Variants in RAP1B observed in about 807,000 individuals in gnomAD.
RAP1B encodes the protein RAP1B, member of RAS oncogene family.
Under a neutral mutation model 27.5 loss-of-function variants are expected in RAP1B, and 1 was observed. The ratio of observed to expected loss-of-function variants is 0.04; its 90% CI spans 0.01 to 0.17. The LOEUF (loss-of-function observed/expected upper bound fraction) is 0.17. RAP1B is among the 10% of genes least tolerant of loss of function. The pLI is 1.00. For synonymous variants in RAP1B, 75 were observed against 73.1 expected, an observed-to-expected ratio of 1.03 and a Z score of -0.13; for missense variants, 84 against 214.8, an observed-to-expected ratio of 0.39 and a Z score of 3.81.
chr12:68,622,308 C>T (rs1309514690), intron 1 of RAP1B, among the ~76,000 whole-genome samples: 2 of 152,146 alleles, frequency 1.3e-5, no homozygotes, highest in African/African-American at 2.4e-5. Context: ...TTTGTCCTTC[C>T]CCACATTATT....
chr12:68,663,969 A>G lies in RAP1B; in HGVS notation c.*4720A>G, dbSNP rs556388206. Reference sequence around the variant, plus strand: ...GTGAGCTGTCATTTTTCATATATATAAATTTTTTTATTCATAGGTAATCTA... The same window carrying G: ...GTGAGCTGTCATTTTTCATATATATGAATTTTTTTATTCATAGGTAATCTA... On this transcript the variant is annotated 3_prime_UTR_variant, in exon 8 of 8. Coordinates refer to ENST00000250559, the MANE Select transcript of RAP1B (RefSeq NM_001010942.3). 2.7e-4 allele frequency: 41 copies of G among 152,260 alleles called. No homozygotes were observed. Among genetic ancestry groups the G allele is most frequent in the African/African-American group, 9.6e-4 (40 of 41,568 alleles). The allele number at this position is 152,260 out of a possible 1,614,324, so 9.4% of individuals were successfully genotyped here.
intron 1 of RAP1B, among the ~76,000 whole-genome samples, chr12:68,640,747 G>A (rs1281631309): frequency 6.6e-6 from 1 of 152,064 alleles, no homozygotes; most frequent in African/African-American, 2.4e-5. Context: ...ATCTTAGGAA[G>A]AATGTTATAG....
chr12:68,623,258 A>G (rs975998116), intron 1 of RAP1B, among the ~76,000 whole-genome samples: 4 of 152,228 alleles, frequency 2.6e-5, no homozygotes, highest in South Asian at 2.1e-4. Flanking sequence ...TGCTTATTAG[A>G]GTCAAAGGAA....
At chr12:68,643,294 A>G (rs919996221) in intron 1 of RAP1B, among the ~76,000 whole-genome samples, 2 of 152,202 alleles carry the variant, frequency 1.3e-5, no homozygotes, top group African/African-American at 4.8e-5. Context: ...CTCAGAATGT[A>G]ATCATTTACT....
rs1337291573 is a variant in RAP1B, at chr12:68,664,760, CAAT to C, written c.*5512_*5514del. ...TCTGCTGGCAAGGTGTTTAACAAGTCAATGATGGGAAAGACCAGTCAAATAAAC... is the reference window on the plus strand; with the variant it reads ...TCTGCTGGCAAGGTGTTTAACAAGTCGATGGGAAAGACCAGTCAAATAAAC... On this transcript the variant is annotated 3_prime_UTR_variant, in exon 8 of 8. Transcript: ENST00000250559. The C allele has an allele frequency of 1.2e-4, 19 of 152,186 alleles. No individual in the cohort carries two copies. The highest frequency in any genetic ancestry group is 2.6e-4 in the Admixed American group (4 of 15,280). 9.4% of individuals were successfully genotyped at this position (152,186 alleles called of 1,614,324 possible).
intron 2 of RAP1B, 129 bp from the exon 3 acceptor site, chr12:68,650,271 T>C: frequency 2.5e-6 from 2 of 787,320 alleles, no homozygotes; most frequent in Non-Finnish European, 3.7e-6. Context: ...CATTCGAATG[T>C]AGTATTGGCT....
At chr12:68,633,375 T>A (rs1183025788) in intron 1 of RAP1B, among the ~76,000 whole-genome samples, 1 of 152,202 alleles carries the variant, frequency 6.6e-6, no homozygotes, top group Non-Finnish European at 1.5e-5. Context: ...CTGGTAGTTC[T>A]TTATAGATAG....
intron 1 of RAP1B, among the ~76,000 whole-genome samples, chr12:68,639,643 C>T (rs1269981626): frequency 6.6e-6 from 1 of 152,122 alleles, no homozygotes; most frequent in African/African-American, 2.4e-5. Context: ...GGTACATATC[C>T]TCCTCTAAAG....
intron 1 of RAP1B, among the ~76,000 whole-genome samples, chr12:68,636,165 A>G (rs12306987): frequency 1.3e-3 from 198 of 152,238 alleles, no homozygotes; most frequent in African/African-American, 3.5e-3. Flanking sequence ...TATTACAGGC[A>G]TGAGCCATGA....
At position 68,655,535 on chromosome 12, in the gene RAP1B, C is replaced by CTT. The variant is rs35350174; in HGVS notation, c.325-754_325-753dup. On this transcript the variant is annotated intron_variant, in intron 5 of 7. Coordinates refer to ENST00000250559, the MANE Select transcript of RAP1B (RefSeq NM_001010942.3). The stretch of plus-strand genomic sequence containing the variant: ...TTGATTTTTAGTAAATTTTGATTGG[C>CTT]TTTTTTTTTTTTTTTTTTGAGACGG... 2.8e-3 allele frequency among the ~76,000 whole-genome samples: 347 copies of CTT among 125,554 alleles called. 7 individuals are homozygous for CTT. The highest frequency in any genetic ancestry group is 4.0e-3 in the Non-Finnish European group (240 of 59,962). The allele number at this position is 125,554 out of a possible 152,430, so 82.4% of individuals were successfully genotyped here.
At chr12:68,619,004 G>T (rs1316624815) in intron 1 of RAP1B, among the ~76,000 whole-genome samples, 1 of 152,172 alleles carries the variant, frequency 6.6e-6, no homozygotes, top group Non-Finnish European at 1.5e-5. Context: ...GGAGGCTGAG[G>T]TGGAAGGATC....
chr12:68,620,696 G>T (rs1356921896), intron 1 of RAP1B, among the ~76,000 whole-genome samples: 1 of 151,582 alleles, frequency 6.6e-6, no homozygotes, highest in Admixed American at 6.6e-5. Flanking sequence ...GACCTCCCGG[G>T]CTCAGTTGAT....
rs1874921497 is a variant in RAP1B at position 68,667,958 on chromosome 12, G to C, written c.*8709G>C. The C allele has an allele frequency of 1.3e-5, 2 of 152,058 alleles. No homozygotes were observed. Among genetic ancestry groups the C allele is most frequent in the Admixed American group, 6.6e-5 (1 of 15,264 alleles). 9.4% of individuals were successfully genotyped at this position (152,058 alleles called of 1,614,324 possible). ...TTTTCAGAAATAAGAGGACATCATT[G>C]GCCACTATCATACCACTAATTTTAT... On this transcript the variant is annotated 3_prime_UTR_variant, in exon 8 of 8. Coordinates refer to ENST00000250559, the MANE Select transcript of RAP1B (RefSeq NM_001010942.3).
Position 68,668,559 on chromosome 12 carries a change from A to T in RAP1B, c.*9310A>T, listed in dbSNP as rs1874944674. The T allele has an allele frequency of 6.6e-6, 1 of 152,228 alleles. No individual in the cohort carries two copies. Among genetic ancestry groups the T allele is most frequent in the South Asian group, 2.1e-4 (1 of 4,834 alleles). The allele number at this position is 152,228 out of a possible 1,614,324, so 9.4% of individuals were successfully genotyped here. A position where few individuals can be genotyped will look rare whatever the true frequency, so the allele number is the denominator to read the frequency against. On this transcript the variant is annotated 3_prime_UTR_variant, in exon 8 of 8. Coordinates refer to ENST00000250559, the MANE Select transcript of RAP1B (RefSeq NM_001010942.3). Reference sequence around the variant, plus strand: ...AAACCAAAACAGATTTAATGTCTAAACTTAAATCTAGTTTGACATTAACTT... The same window carrying T: ...AAACCAAAACAGATTTAATGTCTAATCTTAAATCTAGTTTGACATTAACTT...
chr12:68,649,765 GTGTATACATAACAA>G (rs1159695346), intron 2 of RAP1B: 3 of 152,224 alleles, frequency 2.0e-5, no homozygotes, highest in Admixed American at 6.5e-5. Flanking sequence ...GCATGTATGT[GTGTATACATAACAA>G]TTAGTCAATT....
chr12:68,626,849 G>A, intron 1 of RAP1B: 1 of 1,566,362 alleles, frequency 6.4e-7, no homozygotes, highest in South Asian at 1.1e-5. Flanking sequence ...GTATTAAGAG[G>A]GGGCAGCACA....
intron 1 of RAP1B, among the ~76,000 whole-genome samples, chr12:68,641,995 C>G (rs1873042295): frequency 6.6e-6 from 1 of 152,128 alleles, no homozygotes; most frequent in South Asian, 2.1e-4. Flanking sequence ...GATGAAGTAT[C>G]GTATAGTTGC....
At chr12:68,639,670 C>CA (rs1202862452) in intron 1 of RAP1B, among the ~76,000 whole-genome samples, 11 of 152,206 alleles carry the variant, frequency 7.2e-5, no homozygotes, top group Non-Finnish European at 1.6e-4. Flanking sequence ...CACAGGAACT[C>CA]ACCAAAGGGC....
chr12:68,634,221 A>G (rs1872470648), intron 1 of RAP1B, among the ~76,000 whole-genome samples: 2 of 152,228 alleles, frequency 1.3e-5, no homozygotes, highest in Admixed American at 6.5e-5. Flanking sequence ...GCTACTTCCT[A>G]TGTGTTACTC....
Sources: gnomAD v4.1 joint callset for allele counts (sites outside exome capture counted in the v4.1 genomes callset) on GRCh38, gnomAD v4.1.1 for gene constraint, MANE v1.5 for transcripts, NCBI Gene and HGNC (gene_info 2026-07-23, HGNC 2026-07-21) for gene names.